The following DNM3 variants were observed in gnomAD, a reference collection of about 807,000 sequenced individuals.
The protein encoded by DNM3 is dynamin 3, also known as dynamin-3.
DNM3 carries 47 observed loss-of-function variants against 101.6 expected under a neutral mutation model. That is an observed-to-expected ratio of 0.46 (90% CI 0.37 to 0.59). The LOEUF (loss-of-function observed/expected upper bound fraction) is 0.59. DNM3 is among the 20% of genes least tolerant of loss of function. The probability of loss-of-function intolerance (pLI) is 0.00; values close to 1 mark genes in which losing one functional copy is unlikely to be tolerated. For missense variants in DNM3, 849 were observed against 1,085.7 expected (o/e 0.78, Z 3.06); for synonymous variants, 385 against 387.9 (o/e 0.99, Z 0.09).
At chr1:172,008,254 T>C (rs1290917136) in intron 4 of DNM3, among the ~76,000 whole-genome samples, 2 of 152,060 alleles carry the variant, frequency 1.3e-5, no homozygotes, top group Non-Finnish European at 1.5e-5. Context: ...ACTTTCTTAT[T>C]CTTATCCAAA....
At chr1:172,182,126 A>G (rs1489499402) in intron 14 of DNM3, among the ~76,000 whole-genome samples, 2 of 151,866 alleles carry the variant, frequency 1.3e-5, no homozygotes, top group Non-Finnish European at 2.9e-5. Context: ...TGTGAAGGTC[A>G]TCAAGCTGGG....
At chr1:171,875,829 T>TTTTTTTTTTTGTTG in intron 1 of DNM3, among the ~76,000 whole-genome samples, 1 of 146,996 alleles carries the variant, frequency 6.8e-6, no homozygotes, top group South Asian at 2.2e-4. Context: ...TTTTTTTTTT[T>TTTTTTTTTTTGTTG]GAGATGGAGT....
intron 17 of DNM3, among the ~76,000 whole-genome samples, chr1:172,347,174 C>A (rs1456904791): frequency 6.8e-6 from 1 of 147,192 alleles, no homozygotes; most frequent in African/African-American, 2.6e-5. Flanking sequence ...TTAGTACCAC[C>A]CTCAGAGGAA....
In DNM3 at chr1:172,316,353, ACAT is replaced by A. The variant is rs755581187; in HGVS notation, c.1882-6972_1882-6970del. 6.1e-4 allele frequency among the ~76,000 whole-genome samples: 93 copies of A among 152,178 alleles called. 1 individual carries two copies. Among genetic ancestry groups the A allele is most frequent in the Non-Finnish European group, 1.8e-4 (12 of 68,034 alleles). The stretch of plus-strand genomic sequence containing the variant: ...AACTACTGAGCAAAATAACCAGCTA[ACAT>A]CATATTGACAGGATCAAATTCACAC... On this transcript the variant is annotated intron_variant, in intron 16 of 20. Coordinates refer to ENST00000627582, the MANE Select transcript of DNM3 (RefSeq NM_015569.5).
At chr1:172,134,181 G>C (rs898706093) in intron 14 of DNM3, among the ~76,000 whole-genome samples, 1 of 152,124 alleles carries the variant, frequency 6.6e-6, no homozygotes, top group Non-Finnish European at 1.5e-5. Flanking sequence ...TTAAGTTCAA[G>C]GTAGCAAAAT....
intron 2 of DNM3, among the ~76,000 whole-genome samples, chr1:171,938,584 G>T (rs2041606368): frequency 1.3e-5 from 2 of 152,148 alleles, no homozygotes. Flanking sequence ...GTGTTCAAAG[G>T]CATTTACCTT....
intron 14 of DNM3, among the ~76,000 whole-genome samples, chr1:172,232,481 A>C (rs1029498194): frequency 6.6e-6 from 1 of 152,196 alleles, no homozygotes; most frequent in Non-Finnish European, 1.5e-5. Context: ...CAGATCAACG[A>C]GACAGAAAGT....
chr1:172,304,952 C>T (rs1202102307), intron 15 of DNM3, among the ~76,000 whole-genome samples: 1 of 152,088 alleles, frequency 6.6e-6, no homozygotes, highest in Non-Finnish European at 1.5e-5. Context: ...AATTGACACC[C>T]TAACATCACA....
chr1:171,901,768 C>T (rs1027065968), intron 1 of DNM3, among the ~76,000 whole-genome samples: 1 of 152,058 alleles, frequency 6.6e-6, no homozygotes, highest in Admixed American at 6.5e-5. Context: ...GTTTTAAGAA[C>T]GTGAACAAGA....
At chr1:172,030,451 A>C (rs1243137655) in intron 4 of DNM3, among the ~76,000 whole-genome samples, 1 of 152,218 alleles carries the variant, frequency 6.6e-6, no homozygotes, top group Non-Finnish European at 1.5e-5. Context: ...AACCATAAAA[A>C]CCATAAAAGA....
intron 14 of DNM3, among the ~76,000 whole-genome samples, chr1:172,211,938 G>C (rs1010280698): frequency 6.6e-6 from 1 of 152,164 alleles, no homozygotes; most frequent in African/African-American, 2.4e-5. Context: ...GGATGAAGGA[G>C]GGTTGGAGGG....
Position 172,387,376 on chromosome 1 carries a change from G to A in DNM3, c.2285+17G>A, listed in dbSNP as rs376292715. ...CTCTCGCAGGTAAGAAGATGGCCCC[G>A]GCCGGGTGCGGTGGCTCGCTCCTGT... On this transcript the variant is annotated intron_variant, in intron 19 of 20. Transcript: ENST00000627582. 23 of 1,599,084 alleles carry A rather than the reference G, an allele frequency of 1.4e-5. No individual in the cohort carries two copies. Among genetic ancestry groups the A allele is most frequent in the South Asian group, 1.3e-4 (12 of 89,794 alleles).
chr1:172,155,038 T>C (rs1248541149), intron 14 of DNM3, among the ~76,000 whole-genome samples: 4 of 152,072 alleles, frequency 2.6e-5, no homozygotes, highest in Non-Finnish European at 1.5e-5. Context: ...TTGAGAAAAA[T>C]ATTCTGGAGG....
intron 14 of DNM3, among the ~76,000 whole-genome samples, chr1:172,178,902 T>C (rs2059248610): frequency 1.3e-5 from 2 of 151,990 alleles, no homozygotes; most frequent in Admixed American, 1.3e-4. Flanking sequence ...TCCATGGGCA[T>C]GTCTCTATCG....
In DNM3 at chr1:171,943,144, A is replaced by G. The variant is rs78266731; in HGVS notation, c.235+21323A>G. ...ATAAAAATAAAAAATAAAAAAAGAAAAAGAAAAAGCCTGTGCAAAGCCCTA... is the reference window on the plus strand; with the variant it reads ...ATAAAAATAAAAAATAAAAAAAGAAGAAGAAAAAGCCTGTGCAAAGCCCTA... On this transcript the variant is annotated intron_variant, in intron 2 of 20. Coordinates refer to ENST00000627582, the MANE Select transcript of DNM3 (RefSeq NM_015569.5). Among the ~76,000 whole-genome samples, 12 of 152,188 alleles carry G rather than the reference A, an allele frequency of 7.9e-5. No individual in the cohort carries two copies. In the East Asian group the frequency reaches 2.3e-3, roughly 29 times the overall value.
At chr1:172,413,714 G>A (rs1229280638), downstream of DNM3, among the ~76,000 whole-genome samples, 1 of 152,204 alleles carries the variant, frequency 6.6e-6, no homozygotes, top group Non-Finnish European at 1.5e-5. Context: ...GTGATAGGAG[G>A]AGAGAGATGT....
At chr1:172,011,887 A>T (rs1299893325) in intron 4 of DNM3, among the ~76,000 whole-genome samples, 2 of 152,056 alleles carry the variant, frequency 1.3e-5, no homozygotes, top group African/African-American at 4.8e-5. Flanking sequence ...GCATCAAGGA[A>T]CAATCAAGAC....
intron 1 of DNM3, chr1:171,864,133 G>A (rs1421990838): frequency 1.3e-5 from 2 of 152,178 alleles, no homozygotes; most frequent in African/African-American, 4.8e-5. Flanking sequence ...TTAAAAAATA[G>A]TACTTAAGCA....
At chr1:171,897,111 C>T (rs1000695521) in intron 1 of DNM3, among the ~76,000 whole-genome samples, 5 of 152,004 alleles carry the variant, frequency 3.3e-5, no homozygotes, top group Non-Finnish European at 5.9e-5. Flanking sequence ...TGTAACATTG[C>T]GTTAGGGGCA....
Sources: gnomAD v4.1 joint callset for allele counts (sites outside exome capture counted in the v4.1 genomes callset) on GRCh38, gnomAD v4.1.1 for gene constraint, MANE v1.5 for transcripts, NCBI Gene and HGNC (gene_info 2026-07-23, HGNC 2026-07-21) for gene names.